KLHL5: variants seen among roughly 807,000 people sequenced by gnomAD.
KLHL5 encodes kelch-like protein 5.
KLHL5 carries 48 observed loss-of-function variants against 77.7 expected under a neutral mutation model. The observed-to-expected ratio is 0.62, with a 90% CI of 0.49 to 0.79. KLHL5 has a LOEUF of 0.79. KLHL5 is among the 30% of genes least tolerant of loss of function. The pLI, the probability that KLHL5 is intolerant of heterozygous loss-of-function variation, is 0.00. For missense variants in KLHL5, 723 were observed against 859.7 expected (o/e 0.84, Z 1.99); for synonymous variants, 260 against 297.0 (o/e 0.88, Z 1.28).
chr4:39,080,244 C>T (rs776040092), intron 2 of KLHL5, among the ~76,000 whole-genome samples: 2 of 152,066 alleles, frequency 1.3e-5, no homozygotes, highest in Non-Finnish European at 2.9e-5. Flanking sequence ...TTCAAAAATA[C>T]GGCCAGGTGC....
At chr4:39,056,481 A>C (rs529854917) in intron 1 of KLHL5, among the ~76,000 whole-genome samples, 23 of 152,362 alleles carry the variant, frequency 1.5e-4, no homozygotes, top group African/African-American at 5.5e-4. Flanking sequence ...ACAAAGTGAA[A>C]GATTTAACAT....
chr4:39,061,712 G>A (rs1002591877), upstream of KLHL5, among the ~76,000 whole-genome samples: 1 of 152,120 alleles, frequency 6.6e-6, no homozygotes, highest in African/African-American at 2.4e-5. Flanking sequence ...TTTTTGAGCC[G>A]CACTTTTCCT....
intron 1 of KLHL5, among the ~76,000 whole-genome samples, chr4:39,047,067 T>C (rs1319955895): frequency 6.6e-6 from 1 of 152,230 alleles, no homozygotes; most frequent in Non-Finnish European, 1.5e-5. Context: ...TATTTTGTAA[T>C]ATTTTCCAAA....
chr4:39,080,180 A>C (rs899757040), intron 2 of KLHL5, among the ~76,000 whole-genome samples: 36 of 152,236 alleles, frequency 2.4e-4, no homozygotes, highest in African/African-American at 7.9e-4. Flanking sequence ...AATCTATTTA[A>C]GTGTGTTGAC....
chr4:39,060,792 T>C (rs927799253), upstream of KLHL5, among the ~76,000 whole-genome samples: 2 of 152,170 alleles, frequency 1.3e-5, no homozygotes, highest in African/African-American at 4.8e-5. Flanking sequence ...GTCATTTCAC[T>C]CTCTAATGCG....
chr4:39,058,897 A>G (rs1717182881), upstream of KLHL5, among the ~76,000 whole-genome samples: 1 of 152,156 alleles, frequency 6.6e-6, no homozygotes, highest in South Asian at 2.1e-4. Context: ...TAGTGAGGAT[A>G]AAGACAATAA....
intron 8 of KLHL5, 25 bp from the exon 9 acceptor site, chr4:39,112,995 A>T (rs1436175923): frequency 6.3e-7 from 1 of 1,595,286 alleles, no homozygotes; most frequent in Non-Finnish European, 8.6e-7. Context: ...TGTCTTATTT[A>T]TCATTTCATA....
intron 1 of KLHL5, among the ~76,000 whole-genome samples, chr4:39,054,764 A>C (rs1203054357): frequency 1.3e-5 from 2 of 151,962 alleles, no homozygotes; most frequent in Non-Finnish European, 2.9e-5. Flanking sequence ...TACAGCTCTA[A>C]CTTGAGGCAC....
intron 9 of KLHL5, among the ~76,000 whole-genome samples, chr4:39,114,945 T>C (rs1256497445): frequency 6.6e-6 from 1 of 152,222 alleles, no homozygotes; most frequent in Non-Finnish European, 1.5e-5. Flanking sequence ...CACTAGCTCC[T>C]TTTAAGTGTT....
downstream of KLHL5, chr4:39,126,820 A>G (rs1723572721): frequency 2.3e-6 from 1 of 434,566 alleles, no homozygotes; most frequent in East Asian, 7.0e-5. Context: ...TAAAGCCGGC[A>G]TCTTGTACTA....
intron 6 of KLHL5, among the ~76,000 whole-genome samples, chr4:39,101,144 A>ATATATATATATC (rs1560432495): frequency 2.7e-5 from 4 of 148,160 alleles, no homozygotes; most frequent in African/African-American, 7.4e-5. Flanking sequence ...ATATATATAT[A>ATATATATATATC]TATCTACCTG....
At chr4:39,107,081 T>G (rs991175224) in intron 7 of KLHL5, among the ~76,000 whole-genome samples, 42 of 148,058 alleles carry the variant, frequency 2.8e-4, no homozygotes, top group Admixed American at 6.2e-4. Context: ...GGAGTCTCAC[T>G]CTGTTGCCCA....
chr4:39,099,497 TA>T (rs1273986247), intron 6 of KLHL5, among the ~76,000 whole-genome samples: 3 of 152,188 alleles, frequency 2.0e-5, no homozygotes, highest in Non-Finnish European at 4.4e-5. Flanking sequence ...ATTCTATTAA[TA>T]CTTCTTCCCT....
upstream of KLHL5, among the ~76,000 whole-genome samples, chr4:39,061,957 G>A (rs1002216631): frequency 6.6e-6 from 1 of 152,124 alleles, no homozygotes; most frequent in African/African-American, 2.4e-5. Context: ...GAAGATAGAG[G>A]TGAAGGCAAT....
rs530380925 is a variant in KLHL5, at chr4:39,106,185, A to G, written c.1526-1384A>G. ...CTCACCCTGCCTAGCCAGACTGGCC[A>G]CCTTGTTGTCCCTTAGACACAGTGA... On this transcript the variant is annotated intron_variant, in intron 7 of 10. Transcript: ENST00000504108. Among the ~76,000 whole-genome samples the G allele has an allele frequency of 2.0e-5, 3 of 152,150 alleles. No homozygotes were observed. In the East Asian group the frequency reaches 5.8e-4, roughly 29 times the overall value.
intron 1 of KLHL5, among the ~76,000 whole-genome samples, chr4:39,051,259 G>T (rs1284964301): frequency 1.3e-5 from 2 of 151,750 alleles, no homozygotes; most frequent in Admixed American, 1.3e-4. Context: ...TTCAAACTAC[G>T]CGATAATCTC....
intron 7 of KLHL5, among the ~76,000 whole-genome samples, chr4:39,107,049 TC>T (rs1432664615): frequency 2.8e-5 from 3 of 106,038 alleles, no homozygotes; most frequent in African/African-American, 6.3e-5. Context: ...CTTTTTTTTT[TC>T]TTTTTTTTTT....
At chr4:39,138,340 A>C in the KLHL5 span, among the ~76,000 whole-genome samples, 36 of 152,306 alleles carry the variant, frequency 2.4e-4, no homozygotes, top group African/African-American at 7.7e-4. Context: ...TAGCAAAGAC[A>C]TGGAATCACC....
chr4:39,048,409 G>T (rs1376748146), intron 1 of KLHL5, among the ~76,000 whole-genome samples: 1 of 152,176 alleles, frequency 6.6e-6, no homozygotes, highest in Admixed American at 6.5e-5. Flanking sequence ...TGAGAAAGGG[G>T]TTTGCTGAGT....
Sources: allele counts gnomAD v4.1 joint callset (sites outside exome capture counted in the v4.1 genomes callset), GRCh38; gene constraint gnomAD v4.1.1; transcripts MANE v1.5; gene names NCBI Gene and HGNC (gene_info 2026-07-23, HGNC 2026-07-21).